ANO4: variants seen among roughly 807,000 people sequenced by gnomAD.
The protein encoded by ANO4 is anoctamin-4.
A neutral mutation model predicts 141.9 loss-of-function variants in ANO4; 69 were observed. The observed-to-expected ratio is 0.49, with a 90% confidence interval of 0.40 to 0.59. ANO4 has a LOEUF of 0.59. Among genes scored for constraint, ANO4 ranks in the 20% least tolerant of loss-of-function variants. ANO4 has a pLI of 0.00. For missense variants in ANO4, 894 were observed against 1,162.2 expected (o/e 0.77, Z 3.36); for synonymous variants, 350 against 394.3 (o/e 0.89, Z 1.33).
rs185067766 is a variant in ANO4 at position 101,003,603 on chromosome 12, G to A, written c.734+15933G>A. On this transcript the variant is annotated intron_variant, in intron 8 of 27. Coordinates refer to ENST00000392977, the MANE Select transcript of ANO4 (RefSeq NM_001286615.2). ...TTGTTTTGTTTTGTCACATTCGCAT[G>A]GCACATCAGTCTGTGAGCTTACGGG... Among the ~76,000 whole-genome samples the A allele has an allele frequency of 9.2e-5, 14 of 152,260 alleles. No individual in the cohort carries two copies. In the East Asian group the frequency reaches 2.7e-3, roughly 29 times the overall value.
At chr12:101,075,456 A>T (rs1182792017) in intron 14 of ANO4, among the ~76,000 whole-genome samples, 1 of 151,932 alleles carries the variant, frequency 6.6e-6, no homozygotes, top group Non-Finnish European at 1.5e-5. Flanking sequence ...TGCCAGCAGT[A>T]AGGCTAAACA....
intron 1 of ANO4, among the ~76,000 whole-genome samples, chr12:100,729,651 A>G (rs999905004): frequency 1.3e-5 from 2 of 152,182 alleles, no homozygotes; most frequent in African/African-American, 4.8e-5. Flanking sequence ...CACTAGTTAC[A>G]TGATTTTATC....
intron 14 of ANO4, among the ~76,000 whole-genome samples, chr12:101,064,232 T>C (rs1243916456): frequency 6.6e-6 from 1 of 152,212 alleles, no homozygotes; most frequent in African/African-American, 2.4e-5. Context: ...CAAAATATTT[T>C]CTAATTTCCT....
intron 5 of ANO4, among the ~76,000 whole-genome samples, chr12:100,960,260 G>GCGCA (rs142121393): frequency 5.3e-5 from 8 of 149,896 alleles, no homozygotes; most frequent in South Asian, 2.1e-4. Context: ...TCACACACAC[G>GCGCA]CACACACACA....
intron 3 of ANO4, among the ~76,000 whole-genome samples, chr12:100,747,692 G>A (rs1034530323): frequency 6.6e-6 from 1 of 152,074 alleles, no homozygotes; most frequent in Non-Finnish European, 1.5e-5. Context: ...GGCCAAGATG[G>A]TGAAACCCTG....
chr12:100,780,799 C>T (rs899064745), intron 3 of ANO4, among the ~76,000 whole-genome samples: 3 of 152,196 alleles, frequency 2.0e-5, no homozygotes, highest in African/African-American at 7.2e-5. Flanking sequence ...TCACCTTGGC[C>T]TCCCAAAACG....
chr12:100,987,456 TG>T, intron 7 of ANO4, 82 bp from the exon 8 acceptor site: 1 of 1,525,588 alleles, frequency 6.6e-7, no homozygotes, highest in South Asian at 1.3e-5. Context: ...ATGATAGTTG[TG>T]GCTCTGCGGA....
chr12:100,816,789 T>C (rs1174768118), intron 1 of ANO4, among the ~76,000 whole-genome samples: 1 of 151,944 alleles, frequency 6.6e-6, no homozygotes, highest in African/African-American at 2.4e-5. Flanking sequence ...TCTGCACTTA[T>C]TTTCAAGTTT....
intron 14 of ANO4, among the ~76,000 whole-genome samples, chr12:101,059,503 G>A (rs974297624): frequency 6.6e-6 from 1 of 152,134 alleles, no homozygotes; most frequent in African/African-American, 2.4e-5. Flanking sequence ...GCCTTTGTTT[G>A]GTTGGTAGGC....
intron 5 of ANO4, among the ~76,000 whole-genome samples, chr12:100,970,670 C>G (rs2043884587): frequency 5.0e-5 from 2 of 40,216 alleles, no homozygotes; most frequent in African/African-American, 4.5e-4. Context: ...CCTCTCCTTC[C>G]TTCCTTCCTT....
intron 2 of ANO4, among the ~76,000 whole-genome samples, chr12:100,734,328 T>G (rs1403161668): frequency 6.6e-6 from 1 of 152,248 alleles, no homozygotes; most frequent in Non-Finnish European, 1.5e-5. Flanking sequence ...CTCCTTGTTA[T>G]GCTCACTCAA....
intron 3 of ANO4, among the ~76,000 whole-genome samples, chr12:100,787,331 A>G (rs1426648539): frequency 6.6e-6 from 1 of 152,214 alleles, no homozygotes; most frequent in Non-Finnish European, 1.5e-5. Context: ...CAAGCATTGG[A>G]AAAAGCCTGT....
At chr12:100,791,740 G>T (rs186565872), upstream of ANO4, among the ~76,000 whole-genome samples, 1 of 152,210 alleles carries the variant, frequency 6.6e-6, no homozygotes, top group Admixed American at 6.6e-5. Flanking sequence ...TGTTCCAGTT[G>T]TTCCTACATT....
intron 7 of ANO4, among the ~76,000 whole-genome samples, chr12:100,986,747 G>A (rs144984036): frequency 2.0e-5 from 3 of 152,116 alleles, no homozygotes; most frequent in Non-Finnish European, 2.9e-5. Context: ...TGGTTTTTGC[G>A]CCTTCTGGTG....
chr12:100,792,254 A>C (rs890616448), upstream of ANO4, among the ~76,000 whole-genome samples: 1 of 152,190 alleles, frequency 6.6e-6, no homozygotes, highest in Admixed American at 6.5e-5. Flanking sequence ...AGTTCCTGAA[A>C]AAGCTATCTT....
At chr12:101,042,219 T>A in intron 11 of ANO4, 115 bp from the exon 12 acceptor site, 3 of 1,318,894 alleles carry the variant, frequency 2.3e-6, no homozygotes, top group Non-Finnish European at 3.1e-6. Context: ...TTGGCTTACC[T>A]TGCTTGCAGT....
chr12:100,719,075 AAAG>A (rs1283814619), intron 1 of ANO4, among the ~76,000 whole-genome samples: 1 of 152,232 alleles, frequency 6.6e-6, no homozygotes, highest in African/African-American at 2.4e-5. Context: ...ATCATTTTGA[AAAG>A]AAGTATATTT....
At chr12:100,947,132 G>T (rs1374429012) in intron 5 of ANO4, among the ~76,000 whole-genome samples, 1 of 152,108 alleles carries the variant, frequency 6.6e-6, no homozygotes. Context: ...GGAATGGAGA[G>T]AAATAGAATG....
At position 100,894,019 on chromosome 12, in the gene ANO4, A is replaced by C. The variant is rs1187591967; in HGVS notation, c.-140-7627A>C. On this transcript the variant is annotated intron_variant, in intron 1 of 27. Coordinates refer to ENST00000392977, the MANE Select transcript of ANO4 (RefSeq NM_001286615.2). ...TGATCTATAAATTCTTCATGTAGAT[A>C]TTGAGCCAAAGGTTAGATCTAGAAA... Among the ~76,000 whole-genome samples, 3 of 152,176 alleles carry C rather than the reference A, an allele frequency of 2.0e-5. 1 individual carries two copies. The highest frequency in any genetic ancestry group is 2.0e-4 in the Admixed American group (3 of 15,284).
Sources: allele counts gnomAD v4.1 joint callset (sites outside exome capture counted in the v4.1 genomes callset), GRCh38; gene constraint gnomAD v4.1.1; transcripts MANE v1.5; gene names NCBI Gene and HGNC (gene_info 2026-07-23, HGNC 2026-07-21).